Variants in PLB1 observed in about 807,000 individuals in gnomAD.
PLB1 encodes the protein phospholipase B1, membrane-associated.
In PLB1, 242 loss-of-function variants were observed where a neutral mutation model predicts 227.4. That is an observed-to-expected ratio of 1.06 (90% CI 0.96 to 1.18). The LOEUF is 1.18. PLB1 is among the 50% of genes most tolerant of loss of function. PLB1 has a pLI of 0.00. For synonymous variants in PLB1, 757 were observed against 682.2 expected (o/e 1.11, Z -1.71); for missense variants, 1,858 against 1,816.3 (o/e 1.02, Z -0.42).
intron 14 of PLB1, 149 bp from the exon 15 acceptor site, chr2:28,548,711 T>C: frequency 1.4e-6 from 1 of 738,308 alleles, no homozygotes. Context: ...AGTCTCAGAC[T>C]CAGTAGTTTG....
At chr2:28,587,697 TG>T (rs2148279105) in intron 26 of PLB1, among the ~76,000 whole-genome samples, 1 of 152,252 alleles carries the variant, frequency 6.6e-6, no homozygotes, top group Admixed American at 6.5e-5. Flanking sequence ...AGGAACTGGT[TG>T]CAGCTGCCAC....
At chr2:28,572,166 A>C (rs1026222613) in intron 20 of PLB1, among the ~76,000 whole-genome samples, 1 of 152,244 alleles carries the variant, frequency 6.6e-6, no homozygotes, top group Non-Finnish European at 1.5e-5. Context: ...AATATGCTCA[A>C]CATCAGTAGC....
intron 38 of PLB1, among the ~76,000 whole-genome samples, chr2:28,602,328 C>T (rs957575783): frequency 3.9e-5 from 6 of 152,212 alleles, no homozygotes; most frequent in Non-Finnish European, 7.3e-5. Flanking sequence ...GAGCAAGCCC[C>T]TGTCTGGTCC....
At position 28,573,322 on chromosome 2, in the gene PLB1, G is replaced by A. The variant is rs774070580; in HGVS notation, c.1433+17G>A. ...CCGAGCTGAGTAAGCAGGGGTGACCGGGGCGGTGAACAGCACAGGTCCTCT... is the reference window on the plus strand; with the variant it reads ...CCGAGCTGAGTAAGCAGGGGTGACCAGGGCGGTGAACAGCACAGGTCCTCT... On this transcript the variant is annotated intron_variant, in intron 21 of 57. Transcript: ENST00000327757. The A allele has an allele frequency of 2.5e-5, 40 of 1,584,744 alleles. No individual in the cohort carries two copies. The East Asian group carries it at 5.8e-4, about 23-fold the overall frequency.
At chr2:28,619,617 G>A (rs1483396453) in intron 46 of PLB1, among the ~76,000 whole-genome samples, 2 of 148,910 alleles carry the variant, frequency 1.3e-5, no homozygotes, top group Non-Finnish European at 3.0e-5. Flanking sequence ...ATTTGGAAAT[G>A]TAAGCTGCTG....
chr2:28,577,813 C>G (rs1166910977), intron 21 of PLB1, among the ~76,000 whole-genome samples: 2 of 152,204 alleles, frequency 1.3e-5, no homozygotes, highest in Non-Finnish European at 2.9e-5. Flanking sequence ...GCACTTCAGC[C>G]TGGGTGACAG....
chr2:28,605,969 C>T (rs749019705), intron 42 of PLB1, 21 bp downstream of exon 42: 11 of 1,570,698 alleles, frequency 7.0e-6, no homozygotes, highest in Non-Finnish European at 9.6e-6. Flanking sequence ...TGGGGTGTTC[C>T]TTGTTCTCTG....
At chr2:28,640,886 C>T (rs1234184508) in intron 56 of PLB1, 41 bp from the exon 57 acceptor site, 10 of 1,578,076 alleles carry the variant, frequency 6.3e-6, no homozygotes, top group Non-Finnish European at 6.9e-6. Flanking sequence ...AAGTGTCTCC[C>T]AGCTTTGGAG....
At chr2:28,542,174 G>A (rs1672600425) in intron 13 of PLB1, among the ~76,000 whole-genome samples, 1 of 151,638 alleles carries the variant, frequency 6.6e-6, no homozygotes, top group African/African-American at 2.4e-5. Context: ...GTGGGGAGGA[G>A]GCCTGGGCCA....
chr2:28,619,531 T>G (rs938405497), intron 46 of PLB1, among the ~76,000 whole-genome samples: 14 of 151,722 alleles, frequency 9.2e-5, no homozygotes, highest in Admixed American at 4.6e-4. Context: ...TTTGTTTTTT[T>G]TTTTTTTTTT....
In PLB1 at chr2:28,604,801, G is replaced by A. The variant is rs1334984534; in HGVS notation, c.2961+42G>A. 11 of 1,554,612 alleles carry A rather than the reference G, an allele frequency of 7.1e-6. No individual in the cohort carries two copies. In the East Asian group the frequency reaches 9.1e-5, roughly 13 times the overall value. ...CACCCATGGTACTCTTTTAGAGGAA[G>A]AAATGCAAGGCAGAATTGCCAGTTG... On this transcript the variant is annotated intron_variant, in intron 41 of 57. Coordinates refer to ENST00000327757, the MANE Select transcript of PLB1 (RefSeq NM_153021.5).
chr2:28,551,683 C>A (rs1228369765), intron 16 of PLB1, among the ~76,000 whole-genome samples: 1 of 152,204 alleles, frequency 6.6e-6, no homozygotes, highest in African/African-American at 2.4e-5. Flanking sequence ...TGTCAATGAG[C>A]AAGATACTTA....
Position 28,630,615 on chromosome 2 carries a change from A to T in PLB1, c.3848A>T (p.Gln1283Leu), listed in dbSNP as rs1210427026. ...AACTGCACTTGCCTCAGACACTCGC[A>T]AAGCTCCCTGGAGAAGCAAGAACTG... is the stretch of plus-strand genomic sequence containing the variant. ...QNNCTCLRHS[Q>L]SSLEKQELKK... Residue 1283 changes from glutamine to leucine, a missense_variant, in exon 54 of 58, where the codon CAA (glutamine) becomes CTA (leucine). By Grantham distance (113) the Gln-to-Leu change is moderately radical. Transcript: ENST00000327757. 1 of 1,613,766 alleles carries T rather than the reference A, an allele frequency of 6.2e-7. No homozygotes were observed. Among genetic ancestry groups the T allele is most frequent in the East Asian group, 2.2e-5 (1 of 44,868 alleles).
Position 28,590,099 on chromosome 2 carries a change from C to T in PLB1, c.2088+23C>T, listed in dbSNP as rs543565095. The T allele has an allele frequency of 6.3e-6, 10 of 1,588,686 alleles. No homozygotes were observed. The East Asian group carries it at 2.2e-4, about 35-fold the overall frequency. Reference sequence around the variant, plus strand: ...CAGGTAGAGTGGAAAGCACGTCCTTCCAGGCTCCGGCTGCACTGGGCTTCT... The same window carrying T: ...CAGGTAGAGTGGAAAGCACGTCCTTTCAGGCTCCGGCTGCACTGGGCTTCT... On this transcript the variant is annotated intron_variant, in intron 29 of 57. Transcript: ENST00000327757.
intron 42 of PLB1, 126 bp downstream of exon 42, chr2:28,606,074 T>C (rs965145328): frequency 1.4e-5 from 11 of 761,674 alleles, no homozygotes; most frequent in Admixed American, 4.9e-5. Flanking sequence ...TAAACGTCTA[T>C]GCAGTTGGAA....
At chr2:28,634,206 A>G (rs983393183) in intron 56 of PLB1, among the ~76,000 whole-genome samples, 3 of 152,052 alleles carry the variant, frequency 2.0e-5, no homozygotes, top group Admixed American at 6.6e-5. Context: ...AAGAACTTCT[A>G]TTGTACTCTT....
chr2:28,512,100 CTCT>C (rs1240909615), intron 1 of PLB1, among the ~76,000 whole-genome samples: 2 of 127,638 alleles, frequency 1.6e-5, no homozygotes, highest in East Asian at 5.5e-4. Context: ...ATCTCTCTCT[CTCT>C]TCTTCTTCTG....
intron 20 of PLB1, 22 bp downstream of exon 20, chr2:28,566,861 G>C (rs372912336): frequency 5.3e-5 from 86 of 1,613,794 alleles, no homozygotes; most frequent in Admixed American, 1.3e-4. Flanking sequence ...GCGGCGGCCG[G>C]GATGTTTGGT....
At chr2:28,575,019 T>G (rs1411651832) in intron 21 of PLB1, among the ~76,000 whole-genome samples, 1 of 152,220 alleles carries the variant, frequency 6.6e-6, no homozygotes, top group African/African-American at 2.4e-5. Flanking sequence ...TATTTTCCTT[T>G]GAGTAGATAC....
Sources: allele counts gnomAD v4.1 joint callset (sites outside exome capture counted in the v4.1 genomes callset), GRCh38; gene constraint gnomAD v4.1.1; transcripts MANE v1.5; gene names NCBI Gene and HGNC (gene_info 2026-07-23, HGNC 2026-07-21).